The following CLSTN2 variants were observed in gnomAD, a reference collection of about 807,000 sequenced individuals.
CLSTN2 encodes the protein calsyntenin-2.
Under a neutral mutation model 101.2 loss-of-function variants are expected in CLSTN2, and 48 were observed. That is an observed-to-expected ratio of 0.47 (90% CI 0.38 to 0.60). The LOEUF (loss-of-function observed/expected upper bound fraction) is 0.60, where lower values mean the gene tolerates loss of function less well. Ranked by LOEUF, CLSTN2 falls within the 20% of genes least tolerant of loss-of-function variation. CLSTN2 has a pLI of 0.00. For missense variants in CLSTN2, 1,160 were observed against 1,238.2 expected, an observed-to-expected ratio of 0.94 and a Z score of 0.95; for synonymous variants, 481 against 463.6, an observed-to-expected ratio of 1.04 and a Z score of -0.48.
chr3:140,278,777 G>A (rs1361890087), intron 2 of CLSTN2, among the ~76,000 whole-genome samples: 1 of 152,128 alleles, frequency 6.6e-6, no homozygotes, highest in Non-Finnish European at 1.5e-5. Context: ...CTGGAGTGCA[G>A]TGGTGCACTA....
intron 1 of CLSTN2, among the ~76,000 whole-genome samples, chr3:140,069,103 C>T (rs1334175347): frequency 6.6e-6 from 1 of 152,198 alleles, no homozygotes; most frequent in Non-Finnish European, 1.5e-5. Flanking sequence ...GAGTCTTCCT[C>T]TTCCAAGAGG....
At chr3:140,122,756 A>G (rs567684471) in intron 1 of CLSTN2, among the ~76,000 whole-genome samples, 1 of 152,278 alleles carries the variant, frequency 6.6e-6, no homozygotes, top group East Asian at 1.9e-4. Context: ...GGGGTCTGCA[A>G]ACTTGATCTG....
At chr3:140,539,131 G>T (rs888889718) in intron 9 of CLSTN2, among the ~76,000 whole-genome samples, 1 of 150,490 alleles carries the variant, frequency 6.6e-6, no homozygotes. Context: ...TCTATAGAAG[G>T]TTAATAATTA....
chr3:139,943,600 C>G (rs916112845), intron 1 of CLSTN2, among the ~76,000 whole-genome samples: 1 of 152,186 alleles, frequency 6.6e-6, no homozygotes, highest in Admixed American at 6.5e-5. Flanking sequence ...CCACAGGCAA[C>G]AGACGATACC....
intron 1 of CLSTN2, among the ~76,000 whole-genome samples, chr3:140,051,195 G>T (rs1381770992): frequency 6.6e-6 from 1 of 152,184 alleles, no homozygotes; most frequent in Non-Finnish European, 1.5e-5. Context: ...CAGCTTCAAG[G>T]TCTTTGGTAG....
intron 1 of CLSTN2, among the ~76,000 whole-genome samples, chr3:140,075,611 G>A (rs1240300954): frequency 1.3e-5 from 2 of 152,160 alleles, no homozygotes; most frequent in East Asian, 3.8e-4. Context: ...TGCTCAGGTG[G>A]TGTCAATTTC....
intron 1 of CLSTN2, among the ~76,000 whole-genome samples, chr3:140,095,682 G>A (rs1203485529): frequency 6.6e-6 from 1 of 152,178 alleles, no homozygotes; most frequent in Non-Finnish European, 1.5e-5. Flanking sequence ...TCCTGATTAT[G>A]AGTATTGGTC....
chr3:140,148,569 G>T (rs1282856771), intron 1 of CLSTN2, among the ~76,000 whole-genome samples: 2 of 152,120 alleles, frequency 1.3e-5, no homozygotes, highest in African/African-American at 2.4e-5. Flanking sequence ...ATAGCTTCTT[G>T]TCCAAGGGCT....
intron 9 of CLSTN2, among the ~76,000 whole-genome samples, chr3:140,543,333 G>A (rs1322298385): frequency 1.3e-5 from 2 of 152,134 alleles, no homozygotes; most frequent in Admixed American, 6.5e-5. Context: ...TTATGCATGG[G>A]GTCACTGAAG....
chr3:140,244,591 G>A (rs892578708), intron 2 of CLSTN2, among the ~76,000 whole-genome samples: 3 of 152,092 alleles, frequency 2.0e-5, no homozygotes, highest in African/African-American at 7.2e-5. Context: ...TTCATGCCTG[G>A]CACATACATA....
At chr3:140,223,471 T>G (rs2086292744) in intron 2 of CLSTN2, among the ~76,000 whole-genome samples, 1 of 152,170 alleles carries the variant, frequency 6.6e-6, no homozygotes, top group Admixed American at 6.5e-5. Context: ...CCTTGGGTAC[T>G]GGGGCACTCA....
chr3:140,154,801 C>T (rs530800798), intron 1 of CLSTN2, among the ~76,000 whole-genome samples: 34 of 152,088 alleles, frequency 2.2e-4, no homozygotes, highest in Non-Finnish European at 2.2e-4. Context: ...CCCGCCACCA[C>T]GCCCAGCTAA....
At position 140,131,298 on chromosome 3, in the gene CLSTN2, C is replaced by G. The variant is rs571204356; in HGVS notation, c.110-44653C>G. On this transcript the variant is annotated intron_variant, in intron 1 of 16. Coordinates refer to ENST00000458420, the MANE Select transcript of CLSTN2 (RefSeq NM_022131.3). The stretch of plus-strand genomic sequence containing the variant: ...GAAGAAGGTTGCAAAGAATGAGTTT[C>G]TTTATGATTTTTTTTTAATGCAATG... 6.3e-5 allele frequency among the ~76,000 whole-genome samples: 5 copies of G among 79,952 alleles called. No homozygotes were observed. In the East Asian group the frequency reaches 3.1e-3, roughly 49 times the overall value. 52.5% of individuals were successfully genotyped at this position (79,952 alleles called of 152,430 possible).
intron 1 of CLSTN2, among the ~76,000 whole-genome samples, chr3:140,122,905 G>A (rs1260621455): frequency 2.6e-5 from 4 of 152,152 alleles, no homozygotes; most frequent in Non-Finnish European, 5.9e-5. Context: ...AATATGCCAT[G>A]AGCTGGGTGT....
chr3:140,233,100 G>A (rs1186128334), intron 2 of CLSTN2, among the ~76,000 whole-genome samples: 1 of 152,136 alleles, frequency 6.6e-6, no homozygotes, highest in African/African-American at 2.4e-5. Flanking sequence ...ACTTCAGAGA[G>A]TGTAAATGCC....
intron 2 of CLSTN2, among the ~76,000 whole-genome samples, chr3:140,361,470 G>T (rs995856323): frequency 6.6e-6 from 1 of 152,056 alleles, no homozygotes; most frequent in Non-Finnish European, 1.5e-5. Context: ...CTAAACTAGT[G>T]ATCCTAGACA....
At chr3:140,162,351 A>T (rs1471607313) in intron 1 of CLSTN2, among the ~76,000 whole-genome samples, 5 of 152,138 alleles carry the variant, frequency 3.3e-5, no homozygotes, top group Non-Finnish European at 7.4e-5. Context: ...ATTTACATCC[A>T]GTATAGTACT....
chr3:140,384,264 C>G (rs2088026216), intron 2 of CLSTN2, among the ~76,000 whole-genome samples: 2 of 152,232 alleles, frequency 1.3e-5, no homozygotes, highest in African/African-American at 4.8e-5. Context: ...CCATTTCATT[C>G]CTGCTCCAGC....
At chr3:140,109,490 T>TCTCC (rs2009117547) in intron 1 of CLSTN2, among the ~76,000 whole-genome samples, 1 of 152,176 alleles carries the variant, frequency 6.6e-6, no homozygotes, top group African/African-American at 2.4e-5. Flanking sequence ...AGGTGGCGAA[T>TCTCC]CTCCCTTCCT....
Sources: allele counts gnomAD v4.1 joint callset (sites outside exome capture counted in the v4.1 genomes callset), GRCh38; gene constraint gnomAD v4.1.1; transcripts MANE v1.5; gene names NCBI Gene and HGNC (gene_info 2026-07-23, HGNC 2026-07-21).